NET1: variants seen among roughly 807,000 people sequenced by gnomAD.
NET1 encodes neuroepithelial cell transforming 1, also known as neuroepithelial cell-transforming gene 1 protein.
In NET1, 42 loss-of-function variants were observed where a neutral mutation model predicts 61.1. The observed-to-expected ratio is 0.69, with a 90% CI of 0.54 to 0.89. The LOEUF is 0.89. NET1 is among the 40% of genes least tolerant of loss of function. NET1 has a pLI of 0.00. For synonymous variants in NET1, 254 were observed against 281.8 expected (o/e 0.90, Z 0.99); for missense variants, 654 against 747.3 (o/e 0.88, Z 1.46).
chr10:5,414,034 C>T (rs1832042325), intron 1 of NET1, among the ~76,000 whole-genome samples: 1 of 152,020 alleles, frequency 6.6e-6, no homozygotes, highest in South Asian at 2.1e-4. Flanking sequence ...CTTTAAGGAC[C>T]AGTTTAGAGA....
At chr10:5,442,878 A>AG (rs1491091284) in intron 3 of NET1, among the ~76,000 whole-genome samples, 2 of 424 alleles carry the variant, frequency 4.7e-3, no homozygotes, top group Non-Finnish European at 0.059. Context: ...CCCTGTCTTT[A>AG]AAAAAAAAAA....
Position 5,435,707 on chromosome 10 carries a change from A to G in NET1, c.255+6478A>G, listed in dbSNP as rs1423107124. 6.6e-6 allele frequency among the ~76,000 whole-genome samples: 1 copy of G among 152,020 alleles called. No individual in the cohort carries two copies. The highest frequency in any genetic ancestry group is 1.5e-5 in the Non-Finnish European group (1 of 68,030). ...TGGACTTTGGATATCTTATATGAAG[A>G]ATTTAATTCTGATGTCAATTGAATT... On this transcript the variant is annotated intron_variant, in intron 3 of 11. Coordinates refer to ENST00000355029, the MANE Select transcript of NET1 (RefSeq NM_001047160.3). The surrounding 1 kb of genome is among the most constrained non-coding windows in gnomAD (Gnocchi z 5.0).
chr10:5,442,456 C>G (rs1331992503), intron 3 of NET1, among the ~76,000 whole-genome samples: 1 of 152,274 alleles, frequency 6.6e-6, no homozygotes. Flanking sequence ...AGTAACCTAA[C>G]ACTCCTTTTC....
At chr10:5,436,324 T>C (rs993505299) in intron 3 of NET1, among the ~76,000 whole-genome samples, 3 of 140,094 alleles carry the variant, frequency 2.1e-5, no homozygotes, top group African/African-American at 8.0e-5. Context: ...AATGGCTCAA[T>C]CTCGGTTCAC....
rs1832521254 is a variant in NET1 at position 5,441,231 on chromosome 10, A to T, written c.256-10599A>T. On this transcript the variant is annotated intron_variant, in intron 3 of 11. Coordinates refer to ENST00000355029, the MANE Select transcript of NET1 (RefSeq NM_001047160.3). This position sits in a 1 kb window ranked among gnomAD's most constrained non-coding sequence, Gnocchi z 4.6. ...TCAACAAGTGGCCTTTCGGGTGTCCATCCCACACACCCGTGGCTACACATG... is the reference window on the plus strand; with the variant it reads ...TCAACAAGTGGCCTTTCGGGTGTCCTTCCCACACACCCGTGGCTACACATG... 6.6e-6 allele frequency among the ~76,000 whole-genome samples: 1 copy of T among 152,234 alleles called. No individual in the cohort carries two copies. The highest frequency in any genetic ancestry group is 2.4e-5 in the African/African-American group (1 of 41,464).
chr10:5,454,624 ATTGTTTTG>A lies in NET1; in HGVS notation c.1026+110_1026+117del, dbSNP rs1002566057. 4.3e-6 allele frequency: 6 copies of A among 1,389,018 alleles called. No individual in the cohort carries two copies. Among genetic ancestry groups the A allele is most frequent in the Non-Finnish European group, 4.9e-6 (5 of 1,022,696 alleles). The allele number at this position is 1,389,018 out of a possible 1,614,324, so 86.0% of individuals were successfully genotyped here. ...ATGCTGATTCACATCAGCATAGTGA[ATTGTTTTG>A]TTGTTTTAAGTACCCAGTGCGTTAG... On this transcript the variant is annotated intron_variant, in intron 9 of 11. Transcript: ENST00000355029. This position sits in a 1 kb window ranked among gnomAD's most constrained non-coding sequence, Gnocchi z 8.1.
In NET1 at chr10:5,429,150, A is replaced by G; in HGVS notation, c.196-20A>G. ...ATGCATTCCTTTTATATGAGAATGA[A>G]ATCTCTATTTTTCTTTTAGAAAAGA... On this transcript the variant is annotated intron_variant, in intron 2 of 11. Transcript: ENST00000355029. 6.4e-7 allele frequency: 1 copy of G among 1,565,588 alleles called. No homozygotes were observed. The highest frequency in any genetic ancestry group is 1.7e-5 in the Admixed American group (1 of 58,364).
chr10:5,445,256 C>A lies in NET1; in HGVS notation c.256-6574C>A, dbSNP rs78912436. Among the ~76,000 whole-genome samples, 1,372 of 152,112 alleles carry A rather than the reference C, an allele frequency of 9.0e-3. 29 individuals carry two copies. Among genetic ancestry groups the A allele is most frequent in the African/African-American group, 0.032 (1,322 of 41,504 alleles). ...CTATGAAAAATATTACATTCAAGGC[C>A]GCACAGACATAACATCTTAAACCTC... On this transcript the variant is annotated intron_variant, in intron 3 of 11. Coordinates refer to ENST00000355029, the MANE Select transcript of NET1 (RefSeq NM_001047160.3).
At chr10:5,445,287 G>A (rs1387778163) in intron 3 of NET1, among the ~76,000 whole-genome samples, 1 of 152,078 alleles carries the variant, frequency 6.6e-6, no homozygotes, top group Non-Finnish European at 1.5e-5. Flanking sequence ...ACCTCTTCCT[G>A]GCATTGTTCC....
At position 5,429,235 on chromosome 10, in the gene NET1, C is replaced by G; in HGVS notation, c.255+6C>G. The G allele has an allele frequency of 6.3e-7, 1 of 1,581,354 alleles. No homozygotes were observed. Among genetic ancestry groups the G allele is most frequent in the Non-Finnish European group, 8.6e-7 (1 of 1,157,070 alleles). ...TTAGCAGCCTTGATCTGAAGGTAAG[C>G]CCTGCTGCCCTGTTAAAGAAAAGCA... is the stretch of plus-strand genomic sequence containing the variant. On this transcript the variant is annotated splice_donor_region_variant and intron_variant, in intron 3 of 11. Transcript: ENST00000355029.
In NET1 at chr10:5,456,450, G is replaced by A; in HGVS notation, c.1385-138G>A. ...CCCGCAGGTGTATCTAAGAAATAAT[G>A]CATAGGCTTAATGTATTCACATTGA... On this transcript the variant is annotated intron_variant, in intron 11 of 11. Transcript: ENST00000355029. This position sits in a 1 kb window ranked among gnomAD's most constrained non-coding sequence, Gnocchi z 7.0. The A allele has an allele frequency of 9.5e-7, 1 of 1,051,378 alleles. No homozygotes were observed. Among genetic ancestry groups the A allele is most frequent in the East Asian group, 2.6e-5 (1 of 38,462 alleles). 65.1% of individuals were successfully genotyped at this position (1,051,378 alleles called of 1,614,324 possible).
At chr10:5,418,035 A>G (rs760439908) in intron 1 of NET1, among the ~76,000 whole-genome samples, 3 of 151,870 alleles carry the variant, frequency 2.0e-5, no homozygotes, top group Non-Finnish European at 4.4e-5. Context: ...TTTTTTAAAT[A>G]TATTGTTGGA....
rs1011327257 is a variant in NET1 at position 5,454,610 on chromosome 10, C to T, written c.1026+88C>T. The T allele has an allele frequency of 3.6e-6, 5 of 1,395,956 alleles. No individual in the cohort carries two copies. The African/African-American group carries it at 5.8e-5, about 16-fold the overall frequency. The allele number at this position is 1,395,956 out of a possible 1,614,324, so 86.5% of individuals were successfully genotyped here. A position where few individuals can be genotyped will look rare whatever the true frequency, so the allele number is the denominator to read the frequency against. ...GTTATCTTCTGAAGATGCTGATTCA[C>T]ATCAGCATAGTGAATTGTTTTGTTG... On this transcript the variant is annotated intron_variant, in intron 9 of 11. Coordinates refer to ENST00000355029, the MANE Select transcript of NET1 (RefSeq NM_001047160.3). The surrounding 1 kb of genome is among the most constrained non-coding windows in gnomAD (Gnocchi z 8.1).
chr10:5,450,059 G>C (rs891893937), intron 3 of NET1, among the ~76,000 whole-genome samples: 1 of 108,050 alleles, frequency 9.3e-6, no homozygotes. Context: ...CCCTGCACAC[G>C]CGTGTGTCAG....
rs1832270201 is a variant in NET1 at position 5,427,122 on chromosome 10, T to C, written c.195+401T>C. Among the ~76,000 whole-genome samples the C allele has an allele frequency of 6.6e-6, 1 of 152,012 alleles. No homozygotes were observed. The highest frequency in any genetic ancestry group is 6.6e-5 in the Admixed American group (1 of 15,266). ...ATATATATTTAATATATATAATGAA[T>C]GATTTTCTGCTATTAATCATCTCAG... On this transcript the variant is annotated intron_variant, in intron 2 of 11. Transcript: ENST00000355029. The surrounding 1 kb of genome is among the most constrained non-coding windows in gnomAD (Gnocchi z 4.1).
At chr10:5,450,845 A>G (rs1832691879) in intron 3 of NET1, among the ~76,000 whole-genome samples, 1 of 152,220 alleles carries the variant, frequency 6.6e-6, no homozygotes, top group African/African-American at 2.4e-5. Context: ...CAATTTTTGT[A>G]AAGTTTCAAA....
chr10:5,412,749 G>A lies in NET1; in HGVS notation c.57G>A (p.Arg19=). Residue 19 remains arginine, a synonymous_variant, in exon 1 of 12, where the codon CGG becomes CGA. Coordinates refer to ENST00000355029, the MANE Select transcript of NET1 (RefSeq NM_001047160.3). The surrounding 1 kb of genome is among the most constrained non-coding windows in gnomAD (Gnocchi z 6.5). ...CTCGACCGCGGAGGCGAAGCCGCCG[G>A]GCCTCTGGGCTCAGCACGGAGGGAG... The part of the protein sequence containing the change: ...KQPRPRRRSR[R]ASGLSTEGAT... 1.3e-6 allele frequency: 2 copies of A among 1,481,824 alleles called. No individual in the cohort carries two copies. Among genetic ancestry groups the A allele is most frequent in the Non-Finnish European group, 1.8e-6 (2 of 1,122,918 alleles). The allele number at this position is 1,481,824 out of a possible 1,614,324, so 91.8% of individuals were successfully genotyped here. A position where few individuals can be genotyped will look rare whatever the true frequency, so the allele number is the denominator to read the frequency against.
rs1323787274 is a variant in NET1, at chr10:5,457,795, G to A, written c.*801G>A. On this transcript the variant is annotated 3_prime_UTR_variant, in exon 12 of 12. Coordinates refer to ENST00000355029, the MANE Select transcript of NET1 (RefSeq NM_001047160.3). The surrounding 1 kb of genome is among the most constrained non-coding windows in gnomAD (Gnocchi z 5.4). Reference sequence around the variant, plus strand: ...TGAAACCAAGCCATACTGTTTTTGAGCCAATTAAGAAAATTGCCATTTTTA... The same window carrying A: ...TGAAACCAAGCCATACTGTTTTTGAACCAATTAAGAAAATTGCCATTTTTA... The A allele has an allele frequency of 6.6e-6, 1 of 152,316 alleles. No individual in the cohort carries two copies. Among genetic ancestry groups the A allele is most frequent in the African/African-American group, 2.4e-5 (1 of 41,336 alleles). The allele number at this position is 152,316 out of a possible 1,614,324, so 9.4% of individuals were successfully genotyped here.
At position 5,417,487 on chromosome 10, in the gene NET1, G is replaced by A. The variant is rs1351020415; in HGVS notation, c.128+4667G>A. On this transcript the variant is annotated intron_variant, in intron 1 of 11. Coordinates refer to ENST00000355029, the MANE Select transcript of NET1 (RefSeq NM_001047160.3). This position sits in a 1 kb window ranked among gnomAD's most constrained non-coding sequence, Gnocchi z 5.5. ...TATTTTCAGTTTAATAATTTCAATT[G>A]TATAGGAATACATACAATTGATTTT... Among the ~76,000 whole-genome samples the A allele has an allele frequency of 2.6e-5, 4 of 152,192 alleles. No individual in the cohort carries two copies. Among genetic ancestry groups the A allele is most frequent in the African/African-American group, 9.7e-5 (4 of 41,448 alleles).
Sources: gnomAD v4.1 joint callset for allele counts (sites outside exome capture counted in the v4.1 genomes callset) on GRCh38, gnomAD v4.1.1 for gene constraint, Gnocchi (gnomAD v3.1) non-coding constraint, MANE v1.5 for transcripts, NCBI Gene and HGNC (gene_info 2026-07-23, HGNC 2026-07-21) for gene names.